ISOC2: variants seen among roughly 807,000 people sequenced by gnomAD.
The protein encoded by ISOC2 is isochorismatase domain containing 2.
ISOC2 carries 15 observed loss-of-function variants against 19.3 expected under a neutral mutation model. The observed-to-expected ratio is 0.78, with a 90% CI of 0.52 to 1.20. The LOEUF (loss-of-function observed/expected upper bound fraction) is 1.20, where lower values mean the gene tolerates loss of function less well. Among genes scored for constraint, ISOC2 ranks in the 50% most tolerant of loss-of-function variants. The pLI, the probability that ISOC2 is intolerant of heterozygous loss-of-function variation, is 0.00. For missense variants in ISOC2, 285 were observed against 272.4 expected (o/e 1.05, Z -0.33); for synonymous variants, 106 against 115.8 (o/e 0.92, Z 0.54).
In ISOC2 at chr19:55,453,078, C is replaced by T; in HGVS notation, c.*230G>A. The T allele has an allele frequency of 4.1e-6, 2 of 488,424 alleles. No individual in the cohort carries two copies. The highest frequency in any genetic ancestry group is 3.6e-5 in the East Asian group (1 of 27,778). The allele number at this position is 488,424 out of a possible 1,614,324, so 30.3% of individuals were successfully genotyped here. On this transcript the variant is annotated 3_prime_UTR_variant, in exon 6 of 6. Coordinates refer to ENST00000425675, the MANE Select transcript of ISOC2 (RefSeq NM_001136201.2). ...TCCCGCCCCGTGAAGTGGCCCGGGG[C>T]CGAGCCCCGCCTCCATCTTGGCTCA...
At chr19:55,459,086 C>T (rs941728480) in intron 1 of ISOC2, among the ~76,000 whole-genome samples, 15 of 152,100 alleles carry the variant, frequency 9.9e-5, no homozygotes, top group African/African-American at 3.4e-4. Flanking sequence ...TGTATGCCAC[C>T]ACACCTGGCT....
intron 1 of ISOC2, 80 bp from the exon 2 acceptor site, chr19:55,456,569 T>C: frequency 3.2e-6 from 5 of 1,558,738 alleles, no homozygotes; most frequent in Non-Finnish European, 4.3e-6. Flanking sequence ...GTCCTCACAC[T>C]CAGAGCCTGG....
rs567004770 is a variant in ISOC2, at chr19:55,460,976, G to A, written c.-4+536C>T. On this transcript the variant is annotated intron_variant, in intron 1 of 5. Coordinates refer to ENST00000425675, the MANE Select transcript of ISOC2 (RefSeq NM_001136201.2). ...GATCTGAAGATTCATAGGGGATCCCGGGGAGGGGAACTGGTTTTTGGGAGA... is the reference window on the plus strand; with the variant it reads ...GATCTGAAGATTCATAGGGGATCCCAGGGAGGGGAACTGGTTTTTGGGAGA... 3.3e-5 allele frequency among the ~76,000 whole-genome samples: 5 copies of A among 152,270 alleles called. No homozygotes were observed. In the South Asian group the frequency reaches 8.3e-4, roughly 25 times the overall value.
Position 55,455,701 on chromosome 19 carries a change from G to C in ISOC2, c.283C>G (p.Leu95Val), listed in dbSNP as rs758273545. The C allele has an allele frequency of 1.4e-5, 22 of 1,611,436 alleles. No homozygotes were observed. Among genetic ancestry groups the C allele is most frequent in the Non-Finnish European group, 1.7e-5 (20 of 1,179,286 alleles). Residue 95 changes from leucine (L) to valine (V), a missense_variant, in exon 3 of 6, where the codon CTG becomes GTG. Physicochemically the swap from Leu to Val is conservative, Grantham distance 32 (BLOSUM62 1). Coordinates refer to ENST00000425675, the MANE Select transcript of ISOC2 (RefSeq NM_001136201.2). Reference protein sequence around the residue: ...FSMVPALQQELDSRPQLRSVL... With the variant: ...FSMVPALQQEVDSRPQLRSVL... ...GAGCGCAGCTGGGGCCGACTGTCCA[G>C]CTCCTGCTGCAGGGCAGGCACCATG...
At chr19:55,459,605 G>C (rs1156625978) in intron 1 of ISOC2, 1 of 151,866 alleles carries the variant, frequency 6.6e-6, no homozygotes, top group Non-Finnish European at 1.5e-5. Flanking sequence ...AGATGCAGGC[G>C]CCCCTTTCCC....
intron 5 of ISOC2, chr19:55,454,231 T>G (rs1985971361): frequency 6.5e-6 from 1 of 152,774 alleles, no homozygotes; most frequent in African/African-American, 2.4e-5. Flanking sequence ...CCCCGGCAGC[T>G]CAGAATTCAG....
At position 55,455,003 on chromosome 19, in the gene ISOC2, G is replaced by A. The variant is rs945499813; in HGVS notation, c.523C>T (p.Pro175Ser). 1.2e-5 allele frequency: 20 copies of A among 1,612,224 alleles called. No homozygotes were observed. The highest frequency in any genetic ancestry group is 1.5e-5 in the Non-Finnish European group (18 of 1,178,748). The change falls in exon 5 of 6, where the codon CCC (proline) becomes TCC (serine). Residue 175 changes from proline to serine, a missense_variant. Pro to Ser is a moderately conservative substitution (Grantham distance 74). Transcript: ENST00000425675. ...ILQLVGDAVH[P>S]QFKEIQKLIK... The stretch of plus-strand genomic sequence containing the variant: ...GCGGGCATTACCTCCTTGAACTGGG[G>A]GTGGACGGCATCGCCCACAAGCTGC...
chr19:55,453,384 T>C lies in ISOC2; in HGVS notation c.542A>G (p.Gln181Arg), dbSNP rs901963504. 3.1e-6 allele frequency: 5 copies of C among 1,602,052 alleles called. No individual in the cohort carries two copies. The African/African-American group carries it at 5.4e-5, about 17-fold the overall frequency. Residue 181 changes from glutamine (Q) to arginine (R), a missense_variant, in exon 6 of 6, where the codon CAG (glutamine) becomes CGG (arginine). Gln to Arg is a conservative substitution (Grantham distance 43). Coordinates refer to ENST00000425675, the MANE Select transcript of ISOC2 (RefSeq NM_001136201.2). ...DAVHPQFKEI[Q>R]KLIKEPAPDS... ...TGGGGCGGGCTCCTTGATGAGTTTC[T>C]GGATCTGTAAGGGCAGGGGGCGATG...
chr19:55,453,433 G>A (rs1351443747), intron 5 of ISOC2, 45 bp from the exon 6 acceptor site: 2 of 1,349,186 alleles, frequency 1.5e-6, no homozygotes, highest in South Asian at 1.4e-5. Flanking sequence ...CTAGGGTCCC[G>A]ATCTCCATGG....
intron 2 of ISOC2, 129 bp downstream of exon 2, chr19:55,456,220 G>A (rs1986055467): frequency 5.0e-6 from 3 of 596,440 alleles, no homozygotes; most frequent in Non-Finnish European, 9.0e-6. Flanking sequence ...CCTGGATCCT[G>A]GGTCTGAGGG....
At chr19:55,453,452 T>C (rs1036003376) in intron 5 of ISOC2, 64 bp from the exon 6 acceptor site, 3 of 1,147,456 alleles carry the variant, frequency 2.6e-6, no homozygotes, top group African/African-American at 3.2e-5. Flanking sequence ...GGATGACAAA[T>C]CTGAGGGACA....
chr19:55,455,031 A>T lies in ISOC2; in HGVS notation c.495T>A (p.Ile165=). Reference sequence around the variant, plus strand: ...GGACGGCATCGCCCACAAGCTGCAGAATGAGCCCTTCGCTGGTGGAGAGGA... The same window carrying T: ...GGACGGCATCGCCCACAAGCTGCAGTATGAGCCCTTCGCTGGTGGAGAGGA... The part of the protein sequence containing the change: ...GAFLSTSEGL[I]LQLVGDAVHP... The change falls in exon 5 of 6, where the codon ATT becomes ATA. Residue 165 remains isoleucine, a synonymous_variant. Transcript: ENST00000425675. 1 of 1,613,538 alleles carries T rather than the reference A, an allele frequency of 6.2e-7. No individual in the cohort carries two copies.
In ISOC2 at chr19:55,453,303, G is replaced by A. The variant is rs368314102; in HGVS notation, c.*5C>T. ...GGTGGTCTTCCCTCAAGGCAGGGTT[G>A]GAGTTCAGTGGAGGAGGGAGTTCTG... On this transcript the variant is annotated 3_prime_UTR_variant, in exon 6 of 6. Coordinates refer to ENST00000425675, the MANE Select transcript of ISOC2 (RefSeq NM_001136201.2). 5 of 1,601,752 alleles carry A rather than the reference G, an allele frequency of 3.1e-6. No individual in the cohort carries two copies. The highest frequency in any genetic ancestry group is 1.3e-5 in the African/African-American group (1 of 74,452).
Position 55,453,322 on chromosome 19 carries a change from A to C in ISOC2, c.604T>G (p.Ser202Ala). The change falls in exon 6 of 6, where the codon TCC becomes GCC. Residue 202 changes from serine (S) to alanine (A), a missense_variant. Coordinates refer to ENST00000425675, the MANE Select transcript of ISOC2 (RefSeq NM_001136201.2). ...GLLGLFQGQNSLLH is the reference protein window; with the variant it reads ...GLLGLFQGQNALLH The stretch of plus-strand genomic sequence containing the variant: ...AGGGTTGGAGTTCAGTGGAGGAGGG[A>C]GTTCTGGCCTTGGAAGAGGCCCAGC... 6.2e-7 allele frequency: 1 copy of C among 1,606,010 alleles called. No homozygotes were observed. The highest frequency in any genetic ancestry group is 2.3e-5 in the East Asian group (1 of 44,290).
intron 1 of ISOC2, among the ~76,000 whole-genome samples, chr19:55,458,185 A>G (rs1372395300): frequency 1.3e-5 from 2 of 152,212 alleles, no homozygotes; most frequent in Admixed American, 6.5e-5. Context: ...AACCTGCCCT[A>G]AGTCCTGCAG....
At position 55,455,431 on chromosome 19, in the gene ISOC2, G is replaced by A. The variant is rs565151110; in HGVS notation, c.349-101C>T. ...CAGAATTAGGGGCCCAGAATGGGGAGGAGGGAGGCTCGGATCAGAGGAAGG... is the reference window on the plus strand; with the variant it reads ...CAGAATTAGGGGCCCAGAATGGGGAAGAGGGAGGCTCGGATCAGAGGAAGG... On this transcript the variant is annotated intron_variant, in intron 3 of 5. Transcript: ENST00000425675. 6.2e-5 allele frequency: 92 copies of A among 1,482,044 alleles called. 1 individual carries two copies. In the East Asian group the frequency reaches 1.5e-3, roughly 25 times the overall value. The allele number at this position is 1,482,044 out of a possible 1,614,324, so 91.8% of individuals were successfully genotyped here.
intron 5 of ISOC2, 77 bp downstream of exon 5, chr19:55,454,912 C>T (rs186626286): frequency 7.2e-6 from 8 of 1,113,964 alleles, no homozygotes; most frequent in South Asian, 2.5e-5. Context: ...CTGCTGGTGC[C>T]GAGATGTATT....
At chr19:55,456,061 G>T in intron 2 of ISOC2, 1 of 600,384 alleles carries the variant, frequency 1.7e-6, no homozygotes, top group South Asian at 2.0e-5. Flanking sequence ...GCGTCTGAGG[G>T]AAGAGGAAGT....
intron 5 of ISOC2, 107 bp downstream of exon 5, chr19:55,454,882 C>T (rs536814777): frequency 4.1e-4 from 338 of 823,356 alleles, no homozygotes; most frequent in Non-Finnish European, 6.3e-4. Context: ...AAGAACCTGG[C>T]TCCCCCTGGA....
Sources: allele counts gnomAD v4.1 joint callset (sites outside exome capture counted in the v4.1 genomes callset), GRCh38; gene constraint gnomAD v4.1.1; transcripts MANE v1.5; gene names NCBI Gene and HGNC (gene_info 2026-07-23, HGNC 2026-07-21).